Variants in AMMECR1L observed in about 807,000 individuals in gnomAD.
The protein encoded by AMMECR1L is AMMECR1 like, also known as AMMECR1-like protein.
In AMMECR1L, 4 loss-of-function variants were observed where a neutral mutation model predicts 36.8. The ratio of observed to expected loss-of-function variants is 0.11; its 90% CI spans 0.05 to 0.25. AMMECR1L has a LOEUF of 0.25. Among genes scored for constraint, AMMECR1L ranks in the 10% least tolerant of loss-of-function variants. The pLI, the probability that AMMECR1L is intolerant of heterozygous loss-of-function variation, is 1.00. For synonymous variants in AMMECR1L, 147 were observed against 148.0 expected, an observed-to-expected ratio of 0.99 and a Z score of 0.05; for missense variants, 232 against 392.1, an observed-to-expected ratio of 0.59 and a Z score of 3.45.
rs1257355576 is a variant in AMMECR1L, at chr2:127,869,695, G to C, written c.634-151C>G. 1.4e-6 allele frequency: 1 copy of C among 691,178 alleles called. No individual in the cohort carries two copies. Among genetic ancestry groups the C allele is most frequent in the African/African-American group, 1.8e-5 (1 of 55,892 alleles). 42.8% of individuals were successfully genotyped at this position (691,178 alleles called of 1,614,324 possible). On this transcript the variant is annotated intron_variant, in intron 5 of 7. Coordinates refer to ENST00000272647, the MANE Select transcript of AMMECR1L (RefSeq NM_001199140.2). This position sits in a 1 kb window ranked among gnomAD's most constrained non-coding sequence, Gnocchi z 4.7. ...GCATTTCATGACTAATTCTATCTCA[G>C]GAGGTATAGAGGCCAAAGAAAGTTC...
intron 2 of AMMECR1L, among the ~76,000 whole-genome samples, chr2:127,876,057 C>A (rs916624623): frequency 2.0e-5 from 3 of 151,886 alleles, no homozygotes; most frequent in Admixed American, 1.3e-4. Context: ...GCCCCGCCCC[C>A]CCACCCGCTG....
Position 127,874,273 on chromosome 2 carries a change from C to G in AMMECR1L, c.-38-1G>C, listed in dbSNP as rs1210663590. ...TCAAGGTCTGGAATGCTGCAGAACC[C>G]TAACCAAAATGAGAAGTTAAGCATT... On this transcript the variant is annotated splice_acceptor_variant, in intron 2 of 7. Transcript: ENST00000272647. LOFTEE classifies it low-confidence loss of function (5UTR_SPLICE). The surrounding 1 kb of genome is among the most constrained non-coding windows in gnomAD (Gnocchi z 5.2). The G allele has an allele frequency of 1.9e-6, 3 of 1,593,346 alleles. No individual in the cohort carries two copies. The highest frequency in any genetic ancestry group is 2.6e-6 in the Non-Finnish European group (3 of 1,175,206).
At chr2:127,867,238 C>T (rs1435459191) in intron 6 of AMMECR1L, 6 of 985,380 alleles carry the variant, frequency 6.1e-6, no homozygotes, top group East Asian at 1.1e-4. Flanking sequence ...AGGCTCCCTG[C>T]TCCTGCGTCC....
chr2:127,862,521 G>A lies in AMMECR1L; in HGVS notation c.*2573C>T, dbSNP rs928349889. On this transcript the variant is annotated 3_prime_UTR_variant, in exon 8 of 8. Transcript: ENST00000272647. Reference sequence around the variant, plus strand: ...CACCTGCTACACACTTTCATGAGGCGACCGTGACCGTACACTTCTAGACCG... The same window carrying A: ...CACCTGCTACACACTTTCATGAGGCAACCGTGACCGTACACTTCTAGACCG... 6.5e-6 allele frequency: 1 copy of A among 153,522 alleles called. No homozygotes were observed. Among genetic ancestry groups the A allele is most frequent in the East Asian group, 1.9e-4 (1 of 5,194 alleles). 9.5% of individuals were successfully genotyped at this position (153,522 alleles called of 1,614,324 possible).
chr2:127,872,225 G>C (rs1365234175), intron 3 of AMMECR1L, among the ~76,000 whole-genome samples: 3 of 151,276 alleles, frequency 2.0e-5, no homozygotes, highest in African/African-American at 7.3e-5. Context: ...AAAAAATAGA[G>C]GGGGGCCTCA....
At chr2:127,884,697 T>C (rs1022672067) in intron 1 of AMMECR1L, 1 of 152,156 alleles carries the variant, frequency 6.6e-6, no homozygotes, top group Non-Finnish European at 1.5e-5. Context: ...CAAATAAATT[T>C]CCCAATCCTC....
intron 2 of AMMECR1L, among the ~76,000 whole-genome samples, chr2:127,879,698 T>G (rs1355791363): frequency 6.6e-6 from 1 of 152,230 alleles, no homozygotes; most frequent in Non-Finnish European, 1.5e-5. Flanking sequence ...TCTAGTCCTA[T>G]TCCAACAATG....
At position 127,874,245 on chromosome 2, in the gene AMMECR1L, T is replaced by C. The variant is rs751087606; in HGVS notation, c.-11A>G. On this transcript the variant is annotated 5_prime_UTR_variant, in exon 3 of 8. Transcript: ENST00000272647. This position sits in a 1 kb window ranked among gnomAD's most constrained non-coding sequence, Gnocchi z 5.2. ...ACGTCTTTTTCCCATCCTGATTCAG[T>C]GCTCAAGGTCTGGAATGCTGCAGAA... 43 of 1,613,444 alleles carry C rather than the reference T, an allele frequency of 2.7e-5. No homozygotes were observed. Among genetic ancestry groups the C allele is most frequent in the Non-Finnish European group, 3.5e-5 (41 of 1,179,924 alleles).
At position 127,865,536 on chromosome 2, in the gene AMMECR1L, G is replaced by C. The variant is rs1398313071; in HGVS notation, c.822-331C>G. On this transcript the variant is annotated intron_variant, in intron 7 of 7. Transcript: ENST00000272647. The surrounding 1 kb of genome is among the most constrained non-coding windows in gnomAD (Gnocchi z 5.4). The stretch of plus-strand genomic sequence containing the variant: ...AGAATTTCAAGGTCAAATTACTCGG[G>C]TGGCAGATTGGAAGATGGCTGCACC... Among the ~76,000 whole-genome samples, 1 of 152,202 alleles carries C rather than the reference G, an allele frequency of 6.6e-6. No homozygotes were observed. Among genetic ancestry groups the C allele is most frequent in the Non-Finnish European group, 1.5e-5 (1 of 68,046 alleles).
chr2:127,882,145 AGCCTAAAG>A (rs1691526308), intron 2 of AMMECR1L, among the ~76,000 whole-genome samples: 1 of 152,228 alleles, frequency 6.6e-6, no homozygotes, highest in African/African-American at 2.4e-5. Context: ...TATCTAGAAA[AGCCTAAAG>A]GTGGGGGGAA....
At chr2:127,880,771 T>TAC (rs1691460032) in intron 2 of AMMECR1L, among the ~76,000 whole-genome samples, 1 of 112,960 alleles carries the variant, frequency 8.9e-6, no homozygotes, top group Non-Finnish European at 2.1e-5. Context: ...CTACATACAG[T>TAC]ATACACACAC....
chr2:127,865,437 C>T lies in AMMECR1L; in HGVS notation c.822-232G>A, dbSNP rs1312133329. Among the ~76,000 whole-genome samples, 1 of 152,132 alleles carries T rather than the reference C, an allele frequency of 6.6e-6. No homozygotes were observed. Among genetic ancestry groups the T allele is most frequent in the Non-Finnish European group, 1.5e-5 (1 of 68,018 alleles). On this transcript the variant is annotated intron_variant, in intron 7 of 7. Transcript: ENST00000272647. This position sits in a 1 kb window ranked among gnomAD's most constrained non-coding sequence, Gnocchi z 5.4. ...ATTCCCCCGAGAATGTGTTTCAGCA[C>T]ATCCCACCTTGAAACACTACACGTG...
In AMMECR1L at chr2:127,869,622, T is replaced by C. The variant is rs1573541646; in HGVS notation, c.634-78A>G. On this transcript the variant is annotated intron_variant, in intron 5 of 7. Transcript: ENST00000272647. This position sits in a 1 kb window ranked among gnomAD's most constrained non-coding sequence, Gnocchi z 4.7. ...TTCAGTCCCCACATATAAATCAACA[T>C]TGTTCCCTGACCAGCTTAACACAGG... 5.7e-6 allele frequency: 7 copies of C among 1,221,830 alleles called. No individual in the cohort carries two copies. Among genetic ancestry groups the C allele is most frequent in the South Asian group, 2.4e-5 (2 of 82,248 alleles). 75.7% of individuals were successfully genotyped at this position (1,221,830 alleles called of 1,614,324 possible).
rs751255093 is a variant in AMMECR1L at position 127,865,200 on chromosome 2, C to T, written c.827G>A (p.Arg276Gln). ...FRKTIKLTRY[R>Q]SEKVTISYAE... Reference sequence around the variant, plus strand: ...GTAACTGATTGTCACCTTCTCACTTCGGTACCTGTATGAGGAAACAGGAAA... The same window carrying T: ...GTAACTGATTGTCACCTTCTCACTTTGGTACCTGTATGAGGAAACAGGAAA... The change falls in exon 8 of 8, where the codon CGA becomes CAA. Residue 276 changes from arginine (R) to glutamine (Q), a missense_variant. By Grantham distance (43) the Arg-to-Gln change is conservative. Around this residue, in one of 3 missense-constraint regions of AMMECR1L, gnomAD observed 83 missense variants for 229.5 expected, o/e 0.36. Coordinates refer to ENST00000272647, the MANE Select transcript of AMMECR1L (RefSeq NM_001199140.2). The surrounding 1 kb of genome is among the most constrained non-coding windows in gnomAD (Gnocchi z 5.4). 15 of 1,611,018 alleles carry T rather than the reference C, an allele frequency of 9.3e-6. No individual in the cohort carries two copies. The highest frequency in any genetic ancestry group is 7.7e-5 in the South Asian group (7 of 90,622).
Position 127,874,363 on chromosome 2 carries a change from C to T in AMMECR1L, c.-38-91G>A. 8.1e-7 allele frequency: 1 copy of T among 1,235,046 alleles called. No individual in the cohort carries two copies. Among genetic ancestry groups the T allele is most frequent in the Non-Finnish European group, 1.1e-6 (1 of 905,096 alleles). The allele number at this position is 1,235,046 out of a possible 1,614,324, so 76.5% of individuals were successfully genotyped here. On this transcript the variant is annotated intron_variant, in intron 2 of 7. Coordinates refer to ENST00000272647, the MANE Select transcript of AMMECR1L (RefSeq NM_001199140.2). This position sits in a 1 kb window ranked among gnomAD's most constrained non-coding sequence, Gnocchi z 5.2. ...AAGATAGAGAGTCTGCATTGACCAG[C>T]TAAGAGCTGTCAAATTCTTTCTCCC...
In AMMECR1L at chr2:127,873,855, C is replaced by T. The variant is rs150321951; in HGVS notation, c.380G>A (p.Arg127Gln). ...GGGGTCATTGGTGAATCTAGGAAGT[C>T]GTGGCTGTGGGAAGCCATAGAGGTG... is the stretch of plus-strand genomic sequence containing the variant. ...YCHLYGFPQP[R>Q]LPRFTNDPYP... The change falls in exon 3 of 8, where the codon CGA becomes CAA. Residue 127 changes from arginine to glutamine, a missense_variant. By Grantham distance (43) the Arg-to-Gln change is conservative (BLOSUM62 1). Around this residue, in one of 3 missense-constraint regions of AMMECR1L, gnomAD observed 83 missense variants for 229.5 expected, o/e 0.36. Coordinates refer to ENST00000272647, the MANE Select transcript of AMMECR1L (RefSeq NM_001199140.2). This position sits in a 1 kb window ranked among gnomAD's most constrained non-coding sequence, Gnocchi z 5.2. 1.1e-5 allele frequency: 17 copies of T among 1,614,008 alleles called. No individual in the cohort carries two copies. The highest frequency in any genetic ancestry group is 2.2e-5 in the East Asian group (1 of 44,892).
chr2:127,877,635 C>T (rs533670893), intron 2 of AMMECR1L, among the ~76,000 whole-genome samples: 1 of 152,258 alleles, frequency 6.6e-6, no homozygotes, highest in Admixed American at 6.5e-5. Context: ...CGCACCTGGG[C>T]CAGAACTAGG....
intron 2 of AMMECR1L, among the ~76,000 whole-genome samples, chr2:127,881,091 C>T (rs1691480713): frequency 9.0e-6 from 1 of 111,382 alleles, no homozygotes; most frequent in Non-Finnish European, 1.8e-5. Flanking sequence ...CAGTAGCTGT[C>T]AGTTCTGAAC....
At chr2:127,870,762 C>T in intron 5 of AMMECR1L, 52 bp downstream of exon 5, 2 of 1,466,068 alleles carry the variant, frequency 1.4e-6, no homozygotes, top group South Asian at 2.5e-5. Flanking sequence ...ATGTACTAAC[C>T]CGAACCCAAA....
Sources: allele counts gnomAD v4.1 joint callset (sites outside exome capture counted in the v4.1 genomes callset), GRCh38; gene constraint gnomAD v4.1.1; regional missense constraint gnomAD v4.1.1; non-coding constraint Gnocchi (gnomAD v3.1); transcripts MANE v1.5; gene names NCBI Gene and HGNC (gene_info 2026-07-23, HGNC 2026-07-21).